The following C8orf74 variants were observed in gnomAD, a reference collection of about 807,000 sequenced individuals.
The protein encoded by C8orf74 is uncharacterized protein C8orf74.
In C8orf74, 29 loss-of-function variants were observed where a neutral mutation model predicts 22.2. The ratio of observed to expected loss-of-function variants is 1.31; its 90% confidence interval spans 0.97 to 1.78. C8orf74 has a LOEUF of 1.78. Ranked by LOEUF, C8orf74 falls within the 40% of genes most tolerant of loss-of-function variation. The pLI, the probability that C8orf74 is intolerant of heterozygous loss-of-function variation, is 0.00. For missense variants in C8orf74, 515 were observed against 369.9 expected, an observed-to-expected ratio of 1.39 and a Z score of -3.22; for synonymous variants, 255 against 163.1, an observed-to-expected ratio of 1.56 and a Z score of -4.30.
At chr8:10,695,168 T>C (rs1799464045) in intron 2 of C8orf74, among the ~76,000 whole-genome samples, 1 of 152,198 alleles carries the variant, frequency 6.6e-6, no homozygotes, top group African/African-American at 2.4e-5. Flanking sequence ...TATTGATTGC[T>C]GGCTTGTATT....
Position 10,684,743 on chromosome 8 carries a change from T to C in C8orf74, c.241+9905T>C, listed in dbSNP as rs191576045. Among the ~76,000 whole-genome samples, 686 of 152,386 alleles carry C rather than the reference T, an allele frequency of 4.5e-3. 2 individuals carry two copies. The highest frequency in any genetic ancestry group is 6.8e-3 in the Admixed American group (104 of 15,308). ...CGTAGTTCTTAGAAACCTCAGCATATGATTTTCTTTGTTTCCTTACGAAAT... is the reference window on the plus strand; with the variant it reads ...CGTAGTTCTTAGAAACCTCAGCATACGATTTTCTTTGTTTCCTTACGAAAT... On this transcript the variant is annotated intron_variant, in intron 2 of 3. Transcript: ENST00000304519.
rs149124815 is a variant in C8orf74, at chr8:10,677,470, A to G, written c.241+2632A>G. On this transcript the variant is annotated intron_variant, in intron 2 of 3. Coordinates refer to ENST00000304519, the MANE Select transcript of C8orf74 (RefSeq NM_001040032.2). ...AGAGCTTCCATAAATCATATATGTC[A>G]TTTTATTTATTTAACATATGTTCAT... Among the ~76,000 whole-genome samples the G allele has an allele frequency of 4.5e-3, 688 of 152,256 alleles. 5 individuals are homozygous for G. The highest frequency in any genetic ancestry group is 0.014 in the African/African-American group (578 of 41,528).
chr8:10,695,515 A>G (rs1799472471), intron 2 of C8orf74, among the ~76,000 whole-genome samples: 2 of 152,148 alleles, frequency 1.3e-5, no homozygotes, highest in African/African-American at 4.8e-5. Flanking sequence ...CTCCAAGTGG[A>G]GTGGTGCCCC....
chr8:10,682,792 G>A (rs7838672), intron 2 of C8orf74, among the ~76,000 whole-genome samples: 1,532 of 152,296 alleles, frequency 0.01, 21 homozygotes, highest in African/African-American at 0.035. Flanking sequence ...ATCAAGACGG[G>A]GCCATAGAAA....
chr8:10,693,544 A>G (rs1321293590), intron 2 of C8orf74, among the ~76,000 whole-genome samples: 1 of 152,178 alleles, frequency 6.6e-6, no homozygotes, highest in East Asian at 1.9e-4. Context: ...CTTACTCTCT[A>G]GACTTTGATT....
chr8:10,698,063 G>T, intron 3 of C8orf74, 58 bp downstream of exon 3: 1 of 1,418,906 alleles, frequency 7.0e-7, no homozygotes, highest in Non-Finnish European at 9.2e-7. Flanking sequence ...ACACCAGCCA[G>T]GGCTGGAGTC....
chr8:10,696,436 C>CT (rs1799501441), intron 2 of C8orf74, among the ~76,000 whole-genome samples: 23 of 130,776 alleles, frequency 1.8e-4, no homozygotes, highest in African/African-American at 2.3e-4. Flanking sequence ...CTTTTCTTTT[C>CT]TTTTCTTTTT....
chr8:10,682,210 C>T (rs1586036028), intron 2 of C8orf74, among the ~76,000 whole-genome samples: 1 of 152,258 alleles, frequency 6.6e-6, no homozygotes, highest in African/African-American at 2.4e-5. Flanking sequence ...CTGGAGGGGC[C>T]TTTAAGTGAG....
intron 2 of C8orf74, chr8:10,691,699 C>T (rs184303051): frequency 6.6e-6 from 1 of 152,616 alleles, no homozygotes; most frequent in African/African-American, 2.4e-5. Context: ...TGGGATGGCC[C>T]CAACCTCTCA....
intron 2 of C8orf74, among the ~76,000 whole-genome samples, chr8:10,685,852 G>T (rs992828920): frequency 6.6e-6 from 1 of 152,132 alleles, no homozygotes; most frequent in Non-Finnish European, 1.5e-5. Flanking sequence ...GGTGGATCAC[G>T]AGATAAGGAG....
In C8orf74 at chr8:10,687,737, T is replaced by C. The variant is rs148217470; in HGVS notation, c.242-9862T>C. 6.0e-3 allele frequency among the ~76,000 whole-genome samples: 909 copies of C among 152,318 alleles called. 13 individuals are homozygous for C. Among genetic ancestry groups the C allele is most frequent in the African/African-American group, 0.021 (867 of 41,564 alleles). On this transcript the variant is annotated intron_variant, in intron 2 of 3. Transcript: ENST00000304519. ...TACTTTTCTGTGATTTTATCATCAT[T>C]GCACAAATTAGGAATAACTTATTTT... is the stretch of plus-strand genomic sequence containing the variant.
At chr8:10,698,211 G>A (rs1382665813) in intron 3 of C8orf74, among the ~76,000 whole-genome samples, 2 of 152,208 alleles carry the variant, frequency 1.3e-5, no homozygotes, top group Non-Finnish European at 2.9e-5. Context: ...CGACTGAGGC[G>A]CAGAGAACAT....
intron 2 of C8orf74, chr8:10,691,268 C>T (rs942226193): frequency 7.2e-5 from 17 of 236,864 alleles, no homozygotes; most frequent in South Asian, 5.9e-4. Flanking sequence ...AGTGGGGCAT[C>T]GGCCAGGATG....
intron 2 of C8orf74, among the ~76,000 whole-genome samples, chr8:10,696,389 A>G (rs758224981): frequency 4.0e-5 from 6 of 151,100 alleles, no homozygotes; most frequent in Non-Finnish European, 5.9e-5. Context: ...CTGGGTATCA[A>G]TCAATCACTG....
intron 3 of C8orf74, among the ~76,000 whole-genome samples, chr8:10,698,623 C>T (rs371954375): frequency 7.9e-5 from 12 of 152,134 alleles, no homozygotes; most frequent in African/African-American, 2.9e-4. Flanking sequence ...ATGACCATGA[C>T]GACCCCAGCC....
At chr8:10,681,887 T>C (rs1799159213) in intron 2 of C8orf74, among the ~76,000 whole-genome samples, 2 of 152,104 alleles carry the variant, frequency 1.3e-5, no homozygotes, top group African/African-American at 4.8e-5. Flanking sequence ...GTTCCACCCA[T>C]GGCCACTCCT....
intron 2 of C8orf74, chr8:10,688,582 C>G (rs1255032207): frequency 3.3e-5 from 5 of 152,308 alleles, no homozygotes; most frequent in Admixed American, 3.3e-4. Flanking sequence ...GCTGTGTGAC[C>G]GTGAATGGTG....
intron 2 of C8orf74, chr8:10,691,359 G>A (rs1032263773): frequency 3.4e-5 from 6 of 177,336 alleles, no homozygotes; most frequent in African/African-American, 1.4e-4. Flanking sequence ...TTCAGATCTG[G>A]GTTTTGTGTA....
intron 3 of C8orf74, among the ~76,000 whole-genome samples, chr8:10,699,719 G>A (rs6996189): frequency 1.3e-5 from 2 of 152,136 alleles, no homozygotes; most frequent in African/African-American, 4.8e-5. Context: ...AATTTCCCCT[G>A]TCCCCTCCCA....
Sources: gnomAD v4.1 joint callset for allele counts (sites outside exome capture counted in the v4.1 genomes callset) on GRCh38, gnomAD v4.1.1 for gene constraint, MANE v1.5 for transcripts, NCBI Gene and HGNC (gene_info 2026-07-23, HGNC 2026-07-21) for gene names.